The following SLC9A9 variants were observed in gnomAD, a reference collection of about 807,000 sequenced individuals.
The protein encoded by SLC9A9 is solute carrier family 9 member A9, also known as sodium/hydrogen exchanger 9.
Under a neutral mutation model 77.8 loss-of-function variants are expected in SLC9A9, and 62 were observed. That is an observed-to-expected ratio of 0.80 (90% CI 0.65 to 0.98). SLC9A9 has a LOEUF of 0.98. Among genes scored for constraint, SLC9A9 ranks in the 50% least tolerant of loss-of-function variants. SLC9A9 has a pLI of 0.00. For synonymous variants in SLC9A9, 320 were observed against 283.5 expected (o/e 1.13, Z -1.29); for missense variants, 775 against 774.9 (o/e 1.00, Z 0.00).
At chr3:143,567,427 T>C (rs2037185885) in intron 8 of SLC9A9, among the ~76,000 whole-genome samples, 2 of 152,132 alleles carry the variant, frequency 1.3e-5, no homozygotes, top group Admixed American at 1.3e-4. Context: ...CTGTACATAC[T>C]CTCATCCTCT....
intron 4 of SLC9A9, among the ~76,000 whole-genome samples, chr3:143,768,472 A>G (rs909409042): frequency 6.6e-6 from 1 of 152,214 alleles, no homozygotes; most frequent in Non-Finnish European, 1.5e-5. Flanking sequence ...TTCCCTGTGC[A>G]TGTGCTGTAG....
At chr3:143,340,594 C>A (rs939418667) in intron 14 of SLC9A9, among the ~76,000 whole-genome samples, 11 of 152,144 alleles carry the variant, frequency 7.2e-5, no homozygotes, top group African/African-American at 2.7e-4. Flanking sequence ...CAGTTCAGAT[C>A]TTTCCTGGGG....
intron 9 of SLC9A9, among the ~76,000 whole-genome samples, chr3:143,514,638 G>A (rs1322425132): frequency 6.6e-6 from 1 of 152,192 alleles, no homozygotes; most frequent in Non-Finnish European, 1.5e-5. Flanking sequence ...GCACTTTTAT[G>A]TTATGGAGAC....
chr3:143,508,856 T>C (rs1576543813), intron 9 of SLC9A9, among the ~76,000 whole-genome samples: 4 of 152,304 alleles, frequency 2.6e-5, no homozygotes, highest in Admixed American at 2.6e-4. Context: ...ACAGATGCTT[T>C]TCTTGAGTAT....
intron 12 of SLC9A9, among the ~76,000 whole-genome samples, chr3:143,463,965 C>T (rs756669649): frequency 2.6e-5 from 4 of 152,068 alleles, no homozygotes; most frequent in Non-Finnish European, 5.9e-5. Flanking sequence ...TTCTTTGCAT[C>T]CTACTGTGGT....
chr3:143,738,896 T>G (rs1429436691), intron 4 of SLC9A9, among the ~76,000 whole-genome samples: 2 of 152,176 alleles, frequency 1.3e-5, no homozygotes, highest in African/African-American at 4.8e-5. Flanking sequence ...AGCTTTCATA[T>G]CCCCTCTGGA....
chr3:143,648,508 C>A (rs1001630004), intron 6 of SLC9A9, among the ~76,000 whole-genome samples: 1 of 152,224 alleles, frequency 6.6e-6, no homozygotes, highest in Non-Finnish European at 1.5e-5. Flanking sequence ...TCACCTCCTG[C>A]TGTGTGGCCC....
chr3:143,704,079 A>G (rs11928446), intron 4 of SLC9A9, among the ~76,000 whole-genome samples: 81,122 of 151,952 alleles, frequency 0.53, 22,043 homozygotes, highest in Non-Finnish European at 0.57. Context: ...TTGAAGTTGT[A>G]ATAAAATGTC....
chr3:143,318,623 T>C (rs1381041204), intron 14 of SLC9A9, among the ~76,000 whole-genome samples: 2 of 152,136 alleles, frequency 1.3e-5, no homozygotes, highest in Non-Finnish European at 2.9e-5. Flanking sequence ...GGCTGCTATT[T>C]GTGGGGTACG....
In SLC9A9 at chr3:143,788,144, T is replaced by C. The variant is rs115971407; in HGVS notation, c.533+6857A>G. Among the ~76,000 whole-genome samples, 1,462 of 148,736 alleles carry C rather than the reference T, an allele frequency of 9.8e-3. 19 individuals carry two copies. The highest frequency in any genetic ancestry group is 0.034 in the African/African-American group (1,365 of 40,536). ...AGAAAAGGCAGGGCCATACAATAAG[T>C]GGTATTAGTGTAATTAGTTATCCAT... On this transcript the variant is annotated intron_variant, in intron 4 of 15. Transcript: ENST00000316549.
Position 143,277,260 on chromosome 3 carries a change from T to C in SLC9A9, c.1605-8280A>G, listed in dbSNP as rs115750893. 5.5e-3 allele frequency among the ~76,000 whole-genome samples: 834 copies of C among 152,338 alleles called. 8 individuals are homozygous for C. The highest frequency in any genetic ancestry group is 0.019 in the African/African-American group (789 of 41,578). Reference sequence around the variant, plus strand: ...TCTGATCTATATCCTTGGATCTTAATACAGAAGAAAGTCGAAACCCAGTGT... The same window carrying C: ...TCTGATCTATATCCTTGGATCTTAACACAGAAGAAAGTCGAAACCCAGTGT... On this transcript the variant is annotated intron_variant, in intron 14 of 15. Coordinates refer to ENST00000316549, the MANE Select transcript of SLC9A9 (RefSeq NM_173653.4).
At chr3:143,457,334 A>G (rs925020886) in intron 12 of SLC9A9, among the ~76,000 whole-genome samples, 20 of 152,128 alleles carry the variant, frequency 1.3e-4, no homozygotes, top group African/African-American at 4.8e-4. Context: ...TTCATTTCTA[A>G]TATTGATGAT....
At chr3:143,787,827 C>T (rs1009776000) in intron 4 of SLC9A9, among the ~76,000 whole-genome samples, 79 of 151,060 alleles carry the variant, frequency 5.2e-4, no homozygotes, top group African/African-American at 1.8e-3. Flanking sequence ...TATACAAATA[C>T]AAATGAATTA....
chr3:143,307,611 C>T (rs1339343195), intron 14 of SLC9A9, among the ~76,000 whole-genome samples: 2 of 152,220 alleles, frequency 1.3e-5, no homozygotes, highest in East Asian at 3.9e-4. Context: ...TTTCTCTAGC[C>T]TGGCTTCGGT....
intron 5 of SLC9A9, among the ~76,000 whole-genome samples, chr3:143,672,236 C>G (rs1002528031): frequency 1.3e-5 from 2 of 150,912 alleles, no homozygotes; most frequent in African/African-American, 4.9e-5. Flanking sequence ...CTCTTGAATT[C>G]TTGTGTAGAA....
chr3:143,340,181 G>A (rs2032054163), intron 14 of SLC9A9, among the ~76,000 whole-genome samples: 1 of 152,108 alleles, frequency 6.6e-6, no homozygotes, highest in Non-Finnish European at 1.5e-5. Flanking sequence ...ATGACTGACT[G>A]GCCTAATACA....
chr3:143,712,755 G>A (rs1024874164), intron 4 of SLC9A9, among the ~76,000 whole-genome samples: 2 of 152,168 alleles, frequency 1.3e-5, no homozygotes, highest in African/African-American at 2.4e-5. Flanking sequence ...AGTTGAGAAA[G>A]GCTTCAATGT....
At chr3:143,348,852 G>C (rs2108471567) in intron 14 of SLC9A9, among the ~76,000 whole-genome samples, 1 of 152,318 alleles carries the variant, frequency 6.6e-6, no homozygotes, top group Non-Finnish European at 1.5e-5. Context: ...AAAAAACAAG[G>C]AGGGGCATTT....
chr3:143,470,189 T>G (rs538756000), intron 11 of SLC9A9, among the ~76,000 whole-genome samples: 2 of 152,206 alleles, frequency 1.3e-5, no homozygotes, highest in South Asian at 4.2e-4. Flanking sequence ...AAGTGAACTT[T>G]CCGGCTGGGG....
Sources: gnomAD v4.1 joint callset for allele counts (sites outside exome capture counted in the v4.1 genomes callset) on GRCh38, gnomAD v4.1.1 for gene constraint, MANE v1.5 for transcripts, NCBI Gene and HGNC (gene_info 2026-07-23, HGNC 2026-07-21) for gene names.